The following DIS3L2 variants were observed in gnomAD, a reference collection of about 807,000 sequenced individuals.
DIS3L2 encodes the protein DIS3-like exonuclease 2.
Under a neutral mutation model 97.5 loss-of-function variants are expected in DIS3L2, and 34 were observed. That is an observed-to-expected ratio of 0.35 (90% confidence interval 0.27 to 0.46). The LOEUF is 0.46. Ranked by LOEUF, DIS3L2 falls within the 20% of genes least tolerant of loss-of-function variation. DIS3L2 has a pLI of 1.00. For missense variants in DIS3L2, 1,038 were observed against 1,146.0 expected (o/e 0.91, Z 1.36); for synonymous variants, 435 against 445.2 (o/e 0.98, Z 0.29).
intron 1 of DIS3L2, among the ~76,000 whole-genome samples, chr2:232,012,512 C>G (rs923274407): frequency 5.3e-5 from 8 of 152,154 alleles, no homozygotes; most frequent in African/African-American, 1.9e-4. Flanking sequence ...TTTTGGGTTG[C>G]TGGCAGTTTG....
At chr2:232,035,988 C>T (rs1694940135) in intron 5 of DIS3L2, among the ~76,000 whole-genome samples, 1 of 152,046 alleles carries the variant, frequency 6.6e-6, no homozygotes, top group African/African-American at 2.4e-5. Context: ...TCATTTCTGA[C>T]AATATGTGTC....
chr2:232,337,221 A>T, downstream of DIS3L2: 1 of 900,230 alleles, frequency 1.1e-6, no homozygotes, highest in East Asian at 1.1e-4. Context: ...CACCCTGACG[A>T]ATGTGACTGT....
intron 1 of DIS3L2, among the ~76,000 whole-genome samples, chr2:232,013,389 G>A (rs1030500681): frequency 6.6e-6 from 1 of 152,180 alleles, no homozygotes; most frequent in African/African-American, 2.4e-5. Flanking sequence ...CTTCCAACTT[G>A]TTTTAATTTC....
chr2:232,286,878 T>G (rs1056708883), intron 13 of DIS3L2, among the ~76,000 whole-genome samples: 2 of 152,146 alleles, frequency 1.3e-5, no homozygotes, highest in African/African-American at 2.4e-5. Flanking sequence ...CCTTCCAGGT[T>G]CAAGAGATTT....
intron 5 of DIS3L2, among the ~76,000 whole-genome samples, chr2:232,056,026 A>G (rs1247131709): frequency 2.0e-5 from 3 of 152,222 alleles, no homozygotes; most frequent in Non-Finnish European, 2.9e-5. Context: ...CAAGGAAAAC[A>G]TAATACCATA....
intron 8 of DIS3L2, among the ~76,000 whole-genome samples, chr2:232,146,012 A>G (rs993506511): frequency 6.6e-6 from 1 of 152,328 alleles, no homozygotes. Flanking sequence ...GACAGTACTG[A>G]TGAGGCAGAT....
intron 9 of DIS3L2, among the ~76,000 whole-genome samples, chr2:232,171,210 G>A (rs1690979552): frequency 6.6e-6 from 1 of 152,178 alleles, no homozygotes; most frequent in Non-Finnish European, 1.5e-5. Context: ...CATGTTACTA[G>A]GTCATGAATA....
At chr2:232,136,836 G>A in intron 8 of DIS3L2, 117 bp downstream of exon 8, 1 of 1,316,886 alleles carries the variant, frequency 7.6e-7, no homozygotes, top group Non-Finnish European at 1.0e-6. Flanking sequence ...CACGGTTTCT[G>A]GTGTATTTTG....
intron 6 of DIS3L2, among the ~76,000 whole-genome samples, chr2:232,107,528 G>C (rs555965689): frequency 6.6e-6 from 1 of 151,940 alleles, no homozygotes; most frequent in African/African-American, 2.4e-5. Flanking sequence ...GTGAAACCCC[G>C]TCTCTACTAA....
At chr2:232,064,804 G>A (rs1253704352) in intron 5 of DIS3L2, among the ~76,000 whole-genome samples, 1 of 152,032 alleles carries the variant, frequency 6.6e-6, no homozygotes, top group Non-Finnish European at 1.5e-5. Context: ...ATGATGCTGA[G>A]TATTTTTTGT....
intron 13 of DIS3L2, among the ~76,000 whole-genome samples, chr2:232,275,110 G>A (rs1057356339): frequency 2.6e-5 from 4 of 151,834 alleles, no homozygotes; most frequent in Non-Finnish European, 5.9e-5. Flanking sequence ...TTTGATCCCC[G>A]CAACCCTACA....
intron 13 of DIS3L2, among the ~76,000 whole-genome samples, chr2:232,275,969 A>T (rs1441887387): frequency 2.0e-5 from 3 of 152,224 alleles, no homozygotes; most frequent in African/African-American, 7.2e-5. Context: ...AACTGTTTAA[A>T]AGTTTTCTCC....
Position 232,046,974 on chromosome 2 carries a change from G to T in DIS3L2, c.366+16894G>T, listed in dbSNP as rs1470749649. On this transcript the variant is annotated intron_variant, in intron 5 of 20. Transcript: ENST00000325385. ...GCCTTGGAGATCATCTTAATATTAAGTTCAGACAATCATGTCATTTCTGTC... is the reference window on the plus strand; with the variant it reads ...GCCTTGGAGATCATCTTAATATTAATTTCAGACAATCATGTCATTTCTGTC... Among the ~76,000 whole-genome samples, 3 of 152,114 alleles carry T rather than the reference G, an allele frequency of 2.0e-5. No homozygotes were observed. The East Asian group carries it at 5.8e-4, about 29-fold the overall frequency.
chr2:232,215,738 C>T (rs540084427), intron 10 of DIS3L2, among the ~76,000 whole-genome samples: 5 of 152,274 alleles, frequency 3.3e-5, no homozygotes, highest in Admixed American at 2.6e-4. Flanking sequence ...ATTCTTGTGT[C>T]CCCCTGTGTG....
chr2:232,188,798 A>AAG (rs1691521625), intron 9 of DIS3L2, among the ~76,000 whole-genome samples: 1 of 152,172 alleles, frequency 6.6e-6, no homozygotes, highest in African/African-American at 2.4e-5. Context: ...GAGCTGCAGA[A>AAG]AATTCTTTCT....
intron 10 of DIS3L2, among the ~76,000 whole-genome samples, chr2:232,227,597 C>T (rs1009010416): frequency 6.6e-6 from 1 of 152,134 alleles, no homozygotes; most frequent in African/African-American, 2.4e-5. Context: ...GAAATGGTTT[C>T]CCTTTCATGC....
At chr2:232,106,005 A>G (rs994148756) in intron 6 of DIS3L2, among the ~76,000 whole-genome samples, 18 of 152,136 alleles carry the variant, frequency 1.2e-4, no homozygotes, top group African/African-American at 3.9e-4. Context: ...CTGGTAATGA[A>G]AAGGGTCTCT....
intron 8 of DIS3L2, among the ~76,000 whole-genome samples, chr2:232,147,910 G>C (rs903888038): frequency 3.3e-5 from 5 of 151,864 alleles, no homozygotes; most frequent in African/African-American, 4.8e-5. Flanking sequence ...AAGTAGACAG[G>C]ATAGGATTCT....
At chr2:232,339,274 T>C (rs942586465), downstream of DIS3L2, among the ~76,000 whole-genome samples, 3 of 152,182 alleles carry the variant, frequency 2.0e-5, no homozygotes, top group Non-Finnish European at 2.9e-5. Context: ...GGAACGGGCA[T>C]GAAGCTTGGG....
Sources: allele counts gnomAD v4.1 joint callset (sites outside exome capture counted in the v4.1 genomes callset), GRCh38; gene constraint gnomAD v4.1.1; transcripts MANE v1.5; gene names NCBI Gene and HGNC (gene_info 2026-07-23, HGNC 2026-07-21).